The following GALNTL6 variants were observed in gnomAD, a reference collection of about 807,000 sequenced individuals.
The protein encoded by GALNTL6 is polypeptide N-acetylgalactosaminyltransferase-like 6.
GALNTL6 carries 46 observed loss-of-function variants against 73.7 expected under a neutral mutation model. The ratio of observed to expected loss-of-function variants is 0.62; its 90% CI spans 0.49 to 0.80. The LOEUF is 0.80. Among genes scored for constraint, GALNTL6 ranks in the 30% least tolerant of loss-of-function variants. The pLI is 0.00. For synonymous variants in GALNTL6, 259 were observed against 263.7 expected (o/e 0.98, Z 0.17); for missense variants, 604 against 755.0 (o/e 0.80, Z 2.34).
intron 2 of GALNTL6, among the ~76,000 whole-genome samples, chr4:172,183,640 C>T (rs954286852): frequency 2.6e-5 from 4 of 152,132 alleles, no homozygotes; most frequent in Non-Finnish European, 5.9e-5. Flanking sequence ...TTAGAGCTAT[C>T]CTAGCCTTTG....
intron 5 of GALNTL6, among the ~76,000 whole-genome samples, chr4:172,349,846 T>TATTTA (rs66675725): frequency 5.0e-5 from 6 of 120,460 alleles, no homozygotes. Flanking sequence ...TATATATATA[T>TATTTA]TTTTTTTAAA....
chr4:172,474,134 C>T (rs1733148684), intron 5 of GALNTL6, among the ~76,000 whole-genome samples: 1 of 152,134 alleles, frequency 6.6e-6, no homozygotes, highest in South Asian at 2.1e-4. Flanking sequence ...CAGAGCAGCC[C>T]TCAGGCTCTT....
intron 2 of GALNTL6, among the ~76,000 whole-genome samples, chr4:172,033,179 G>A (rs1741822333): frequency 6.6e-6 from 1 of 151,976 alleles, no homozygotes; most frequent in African/African-American, 2.4e-5. Flanking sequence ...CGGAGAGAGA[G>A]AGAGAGAGAG....
chr4:172,948,899 T>C (rs1438882764), intron 9 of GALNTL6, among the ~76,000 whole-genome samples: 1 of 152,214 alleles, frequency 6.6e-6, no homozygotes, highest in Non-Finnish European at 1.5e-5. Context: ...GTGACAGCTT[T>C]CCAACATGCT....
At chr4:171,829,420 T>C (rs473405) in intron 2 of GALNTL6, among the ~76,000 whole-genome samples, 1 of 152,070 alleles carries the variant, frequency 6.6e-6, no homozygotes, top group Admixed American at 6.6e-5. Context: ...TAAAAGCTTG[T>C]TTTCTTTGAT....
chr4:172,776,902 T>C (rs955881950), intron 5 of GALNTL6, among the ~76,000 whole-genome samples: 20 of 151,480 alleles, frequency 1.3e-4, no homozygotes, highest in African/African-American at 4.7e-4. Flanking sequence ...TTATATATTA[T>C]ATATTTGTGC....
intron 3 of GALNTL6, among the ~76,000 whole-genome samples, chr4:172,268,568 C>T (rs1738530202): frequency 6.6e-6 from 1 of 152,184 alleles, no homozygotes; most frequent in African/African-American, 2.4e-5. Context: ...GGGCTGAGAG[C>T]TGAGTGCTCT....
At position 172,848,671 on chromosome 4, in the gene GALNTL6, CTATCT is replaced by C. The variant is rs532861019; in HGVS notation, c.924-34118_924-34114del. Among the ~76,000 whole-genome samples the C allele has an allele frequency of 2.7e-3, 410 of 152,276 alleles. 1 individual carries two copies. Among genetic ancestry groups the C allele is most frequent in the African/African-American group, 9.3e-3 (387 of 41,560 alleles). On this transcript the variant is annotated intron_variant, in intron 7 of 12. Transcript: ENST00000506823. ...TAGGGGATAGCTGGAAAGGATGCCA[CTATCT>C]AATGCACATTAAAAGGGTTATTTTT...
At chr4:172,321,753 G>C (rs1395396881) in intron 4 of GALNTL6, among the ~76,000 whole-genome samples, 1 of 152,156 alleles carries the variant, frequency 6.6e-6, no homozygotes, top group Non-Finnish European at 1.5e-5. Flanking sequence ...ACAAAAGGTA[G>C]TAAGGCAGAC....
chr4:172,280,525 C>A (rs1260920915), intron 3 of GALNTL6, among the ~76,000 whole-genome samples: 1 of 151,846 alleles, frequency 6.6e-6, no homozygotes, highest in Admixed American at 6.6e-5. Flanking sequence ...GCAGTCACAT[C>A]TAGACCTTTG....
chr4:172,386,382 A>G (rs886793270), intron 5 of GALNTL6, among the ~76,000 whole-genome samples: 2 of 152,020 alleles, frequency 1.3e-5, no homozygotes, highest in Admixed American at 1.3e-4. Flanking sequence ...TTCTCATTGT[A>G]CCCTCACATG....
intron 8 of GALNTL6, among the ~76,000 whole-genome samples, chr4:172,883,894 T>C (rs1433807386): frequency 6.6e-6 from 1 of 152,142 alleles, no homozygotes; most frequent in Non-Finnish European, 1.5e-5. Flanking sequence ...GGGATGTTTT[T>C]CTATGCCTGA....
intron 5 of GALNTL6, among the ~76,000 whole-genome samples, chr4:172,795,061 C>G (rs999304618): frequency 3.9e-5 from 6 of 152,138 alleles, no homozygotes; most frequent in African/African-American, 1.2e-4. Flanking sequence ...TTAGAAAACT[C>G]CTTCACAAAA....
chr4:172,624,769 T>C (rs1739097799), intron 5 of GALNTL6, among the ~76,000 whole-genome samples: 1 of 150,244 alleles, frequency 6.7e-6, no homozygotes, highest in Admixed American at 6.7e-5. Flanking sequence ...GTAGTTTTTT[T>C]TTTATTTTTT....
intron 2 of GALNTL6, among the ~76,000 whole-genome samples, chr4:171,864,191 T>A (rs1735911322): frequency 6.6e-6 from 1 of 152,260 alleles, no homozygotes; most frequent in African/African-American, 2.4e-5. Flanking sequence ...TCCTACTTAA[T>A]ATCTTATCTT....
At chr4:172,357,640 C>T (rs66929529) in intron 5 of GALNTL6, among the ~76,000 whole-genome samples, 2,594 of 14,458 alleles carry the variant, frequency 0.18, 35 homozygotes, top group South Asian at 0.49. Flanking sequence ...TATATACACA[C>T]ACACACACAC....
At chr4:172,467,152 G>A (rs1485345920) in intron 5 of GALNTL6, among the ~76,000 whole-genome samples, 2 of 152,070 alleles carry the variant, frequency 1.3e-5, no homozygotes, top group African/African-American at 4.8e-5. Context: ...GAAAACTTTA[G>A]CAATATAAAA....
chr4:172,439,092 A>T (rs537137614), intron 5 of GALNTL6, among the ~76,000 whole-genome samples: 3 of 151,908 alleles, frequency 2.0e-5, no homozygotes, highest in African/African-American at 7.2e-5. Flanking sequence ...CATTATACTA[A>T]CATGCTTTTA....
chr4:172,556,147 G>C (rs141603986), intron 5 of GALNTL6, among the ~76,000 whole-genome samples: 2 of 152,082 alleles, frequency 1.3e-5, no homozygotes, highest in East Asian at 1.9e-4. Context: ...CTTGTTCCTA[G>C]TAGTTATAAT....
Sources: allele counts gnomAD v4.1 joint callset (sites outside exome capture counted in the v4.1 genomes callset), GRCh38; gene constraint gnomAD v4.1.1; transcripts MANE v1.5; gene names NCBI Gene and HGNC (gene_info 2026-07-23, HGNC 2026-07-21).